The following HDAC8 variants were observed in gnomAD, a reference collection of about 807,000 sequenced individuals.
HDAC8 encodes the protein histone deacetylase 8.
In HDAC8, 1 loss-of-function variant was observed where a neutral mutation model predicts 32.2. The ratio of observed to expected loss-of-function variants is 0.03; its 90% confidence interval spans 0.01 to 0.15. The LOEUF (loss-of-function observed/expected upper bound fraction) is 0.15, where lower values mean the gene tolerates loss of function less well. Ranked by LOEUF, HDAC8 falls within the 10% of genes least tolerant of loss-of-function variation. HDAC8 has a pLI of 1.00. For missense variants in HDAC8, 117 were observed against 300.0 expected, an observed-to-expected ratio of 0.39 and a Z score of 4.51; for synonymous variants, 108 against 113.9, an observed-to-expected ratio of 0.95 and a Z score of 0.33.
In HDAC8 at chrX:72,421,202, CT is replaced by C. The variant is rs1330659045; in HGVS notation, c.1005+40801del. On this transcript the variant is annotated intron_variant, in intron 9 of 10. Transcript: ENST00000373573. ...ACAATCTAGTTTGAATTGATACCAA[CT>C]TTTTTTTTTTAATTTTTAAAATGTT... Among the ~76,000 whole-genome samples the C allele has an allele frequency of 1.7e-3, 177 of 106,488 alleles. 1 individual carries two copies. Among genetic ancestry groups the C allele is most frequent in the Admixed American group, 6.7e-3 (67 of 9,939 alleles). The allele number at this position is 106,488 out of a possible 115,157, so 92.5% of individuals were successfully genotyped here. A position where few individuals can be genotyped will look rare whatever the true frequency, so the allele number is the denominator to read the frequency against.
intron 9 of HDAC8, among the ~76,000 whole-genome samples, chrX:72,438,118 C>T (rs1363675069): frequency 8.9e-6 from 1 of 111,972 alleles, no homozygotes; most frequent in Non-Finnish European, 1.9e-5. Flanking sequence ...GGCAGGGGCC[C>T]CTCTGGGACA....
chrX:72,405,394 A>C (rs2046009862), intron 9 of HDAC8, among the ~76,000 whole-genome samples: 1 of 112,125 alleles, frequency 8.9e-6, no homozygotes, highest in Admixed American at 9.4e-5. Flanking sequence ...GGTTGATTCC[A>C]TGTCTTTGCT....
At chrX:72,477,032 A>G (rs187858493) in intron 7 of HDAC8, among the ~76,000 whole-genome samples, 51 of 112,176 alleles carry the variant, frequency 4.5e-4, no homozygotes, top group Non-Finnish European at 9.0e-4. Context: ...AGGGACAGAA[A>G]CACAAGTGCC....
At chrX:72,467,673 G>A (rs369574265) in intron 7 of HDAC8, 38 of 253,941 alleles carry the variant, frequency 1.5e-4, no homozygotes, top group African/African-American at 1.0e-3. Flanking sequence ...GTGTGCATCT[G>A]TGTGTGTGTG....
intron 9 of HDAC8, among the ~76,000 whole-genome samples, chrX:72,354,057 T>C (rs782398597): frequency 3.2e-4 from 36 of 112,246 alleles, no homozygotes; most frequent in Non-Finnish European, 5.8e-4. Flanking sequence ...GGTTGCAAGA[T>C]GGTCAGCTGG....
At chrX:72,560,815 G>A (rs1053673624) in intron 4 of HDAC8, among the ~76,000 whole-genome samples, 4 of 109,096 alleles carry the variant, frequency 3.7e-5, no homozygotes, top group African/African-American at 1.3e-4. Flanking sequence ...CATATGGTTT[G>A]TTTTTTAATA....
intron 3 of HDAC8, among the ~76,000 whole-genome samples, chrX:72,568,328 C>T (rs1556140470): frequency 8.9e-6 from 1 of 112,143 alleles, no homozygotes; most frequent in Middle Eastern, 4.2e-3. Context: ...TGTTGACCCC[C>T]CAGTTCAATG....
intron 9 of HDAC8, among the ~76,000 whole-genome samples, chrX:72,359,110 AG>A (rs1197100270): frequency 9.4e-6 from 1 of 105,974 alleles, no homozygotes; most frequent in Non-Finnish European, 1.9e-5. Context: ...GGGCTGGGGT[AG>A]GTGGGTGTTT....
At chrX:72,487,478 A>C (rs1556006508) in intron 7 of HDAC8, among the ~76,000 whole-genome samples, 1 of 111,153 alleles carries the variant, frequency 9.0e-6, no homozygotes, top group African/African-American at 3.3e-5. Flanking sequence ...ATGGGAGATA[A>C]AGAAGATCTC....
At chrX:72,372,506 T>C (rs1397296421) in intron 9 of HDAC8, among the ~76,000 whole-genome samples, 1 of 111,610 alleles carries the variant, frequency 9.0e-6, no homozygotes, top group Admixed American at 9.6e-5. Context: ...ACATGTTCTC[T>C]AGCAGAACAT....
chrX:72,522,017 G>A (rs1253685714), intron 4 of HDAC8, among the ~76,000 whole-genome samples: 1 of 111,667 alleles, frequency 9.0e-6, no homozygotes, highest in Non-Finnish European at 1.9e-5. Context: ...ACTCAGGTTC[G>A]AGAAGGATTG....
rs2044188124 is a variant in HDAC8 at position 72,351,740 on chromosome X, G to A, written c.1104C>T (p.Tyr368=). Residue 368 remains tyrosine, a synonymous_variant, in exon 10 of 11, where the codon TAC becomes TAT. Transcript: ENST00000373573. The part of the protein sequence containing the change: ...EPHRIQQILN[Y]IKGNLKHVV ...TCGAGGGGCGGTGCTCACCTTTGATGTAGTTGAGGATTTGTTGGATTCGGT... is the reference window on the plus strand; with the variant it reads ...TCGAGGGGCGGTGCTCACCTTTGATATAGTTGAGGATTTGTTGGATTCGGT... 8.3e-7 allele frequency: 1 copy of A among 1,201,422 alleles called. No individual in the cohort carries two copies. Among genetic ancestry groups the A allele is most frequent in the Non-Finnish European group, 1.1e-6 (1 of 887,002 alleles).
At chrX:72,342,175 G>A (rs2043904043) in intron 10 of HDAC8, among the ~76,000 whole-genome samples, 1 of 112,803 alleles carries the variant, frequency 8.9e-6, no homozygotes, top group Non-Finnish European at 1.9e-5. Context: ...AGAGGCAGAA[G>A]AATGTTGGCA....
intron 7 of HDAC8, among the ~76,000 whole-genome samples, chrX:72,482,739 A>G (rs2048548540): frequency 1.8e-5 from 2 of 111,792 alleles, no homozygotes. Flanking sequence ...GTCAATAGTT[A>G]AGAGGCAGAC....
intron 9 of HDAC8, among the ~76,000 whole-genome samples, chrX:72,399,122 T>A (rs1488364381): frequency 8.9e-6 from 1 of 112,007 alleles, no homozygotes; most frequent in Admixed American, 9.5e-5. Context: ...TATGTTTTCT[T>A]CTAAAAGTAT....
intron 4 of HDAC8, among the ~76,000 whole-genome samples, chrX:72,537,953 G>A (rs1362379121): frequency 3.6e-5 from 4 of 111,681 alleles, no homozygotes; most frequent in Admixed American, 9.5e-5. Context: ...GGAAGTGAAT[G>A]CAGCTTACTA....
intron 9 of HDAC8, among the ~76,000 whole-genome samples, chrX:72,452,047 G>A (rs1365809058): frequency 8.9e-6 from 1 of 112,540 alleles, no homozygotes; most frequent in East Asian, 2.8e-4. Context: ...AGAAATATAC[G>A]TAGAAGTCTA....
chrX:72,561,388 T>C (rs1261693872), intron 4 of HDAC8, among the ~76,000 whole-genome samples: 1 of 112,239 alleles, frequency 8.9e-6, no homozygotes, highest in Non-Finnish European at 1.9e-5. Flanking sequence ...CAAATGCTTA[T>C]AGCCAACTCA....
rs782276432 is a variant in HDAC8, at chrX:72,557,913, A to AT, written c.437+9975dup. 2.4e-4 allele frequency among the ~76,000 whole-genome samples: 27 copies of AT among 112,068 alleles called. No individual in the cohort carries two copies. In the East Asian group the frequency reaches 7.6e-3, roughly 31 times the overall value. ...AATGAAATGGGAGATATTACAACTG[A>AT]TACCACAGAAATACCAAAGATTATT... On this transcript the variant is annotated intron_variant, in intron 4 of 10. Coordinates refer to ENST00000373573, the MANE Select transcript of HDAC8 (RefSeq NM_018486.3).
Sources: allele counts gnomAD v4.1 joint callset (sites outside exome capture counted in the v4.1 genomes callset), GRCh38; gene constraint gnomAD v4.1.1; transcripts MANE v1.5; gene names NCBI Gene and HGNC (gene_info 2026-07-23, HGNC 2026-07-21).